CSMD2: variants seen among roughly 807,000 people sequenced by gnomAD.
CSMD2 encodes the protein CUB and sushi domain-containing protein 2.
Under a neutral mutation model 398.5 loss-of-function variants are expected in CSMD2, and 130 were observed. The observed-to-expected ratio is 0.33, with a 90% CI of 0.28 to 0.38. The LOEUF (loss-of-function observed/expected upper bound fraction) is 0.38. CSMD2 is among the 10% of genes least tolerant of loss of function. The pLI, the probability that CSMD2 is intolerant of heterozygous loss-of-function variation, is 1.00. For missense variants in CSMD2, 3,829 were observed against 4,764.9 expected (o/e 0.80, Z 5.78); for synonymous variants, 1,828 against 1,908.5 (o/e 0.96, Z 1.10).
intron 6 of CSMD2, among the ~76,000 whole-genome samples, chr1:33,837,676 T>C (rs1255311444): frequency 1.3e-5 from 2 of 152,212 alleles, no homozygotes; most frequent in African/African-American, 4.8e-5. Context: ...TGGATACAAA[T>C]ATTCACATAC....
intron 12 of CSMD2, among the ~76,000 whole-genome samples, chr1:33,783,435 CT>C (rs1653067102): frequency 1.2e-4 from 2 of 16,184 alleles, no homozygotes; most frequent in African/African-American, 1.0e-4. Context: ...CTCTCATTCT[CT>C]CTCTCTCTCT....
intron 12 of CSMD2, among the ~76,000 whole-genome samples, chr1:33,776,766 T>C (rs1652036755): frequency 6.6e-6 from 1 of 151,772 alleles, no homozygotes; most frequent in South Asian, 2.1e-4. Context: ...GGCCAAAGTG[T>C]TATCCAAGAG....
chr1:33,517,549 T>G (rs553775170), intron 70 of CSMD2, among the ~76,000 whole-genome samples: 2 of 152,368 alleles, frequency 1.3e-5, no homozygotes, highest in South Asian at 4.2e-4. Context: ...GGGATTTTTC[T>G]TTTTCTCTTT....
chr1:33,791,488 T>A (rs920819787), intron 11 of CSMD2, among the ~76,000 whole-genome samples: 3 of 151,572 alleles, frequency 2.0e-5, no homozygotes, highest in Non-Finnish European at 2.9e-5. Context: ...ATTTCCTGAC[T>A]TTTTTTTTCT....
At chr1:33,789,339 T>C (rs1235299430) in intron 11 of CSMD2, among the ~76,000 whole-genome samples, 1 of 152,222 alleles carries the variant, frequency 6.6e-6, no homozygotes, top group East Asian at 1.9e-4. Flanking sequence ...CCCAAGCACC[T>C]ACCCATGTAA....
At position 33,624,458 on chromosome 1, in the gene CSMD2, G is replaced by A. The variant is rs1327741621; in HGVS notation, c.5625+61C>T. Reference sequence around the variant, plus strand: ...CAGCCAGCACCTGTGGTTGTCACCTGTGAGCTGTTACCTGGGAGCAGACGG... The same window carrying A: ...CAGCCAGCACCTGTGGTTGTCACCTATGAGCTGTTACCTGGGAGCAGACGG... On this transcript the variant is annotated intron_variant, in intron 35 of 70. Coordinates refer to ENST00000373381, the MANE Select transcript of CSMD2 (RefSeq NM_001281956.2). The surrounding 1 kb of genome is among the most constrained non-coding windows in gnomAD (Gnocchi z 4.7). 1.3e-6 allele frequency: 2 copies of A among 1,593,796 alleles called. No homozygotes were observed. Among genetic ancestry groups the A allele is most frequent in the Admixed American group, 3.4e-5 (2 of 59,282 alleles).
At chr1:34,095,515 AGAC>A (rs1201073017) in intron 1 of CSMD2, among the ~76,000 whole-genome samples, 24 of 152,066 alleles carry the variant, frequency 1.6e-4, no homozygotes, top group African/African-American at 5.5e-4. Context: ...ACCGCTAGCA[AGAC>A]TAATAAAGAA....
intron 3 of CSMD2, among the ~76,000 whole-genome samples, chr1:34,011,822 T>C (rs967805111): frequency 6.6e-6 from 1 of 152,162 alleles, no homozygotes; most frequent in African/African-American, 2.4e-5. Context: ...GTCTTATTCA[T>C]GATAATGATT....
At chr1:33,946,677 G>A (rs1295040941) in intron 3 of CSMD2, among the ~76,000 whole-genome samples, 1 of 150,910 alleles carries the variant, frequency 6.6e-6, no homozygotes. Flanking sequence ...GGAGTGCAGT[G>A]GCATAATCTT....
At chr1:33,768,988 G>A (rs1650913317) in intron 13 of CSMD2, among the ~76,000 whole-genome samples, 1 of 152,210 alleles carries the variant, frequency 6.6e-6, no homozygotes, top group Non-Finnish European at 1.5e-5. Context: ...GGTGAAGGCT[G>A]TTTTGAAGCT....
rs140859605 is a variant in CSMD2, at chr1:34,023,332, C to G, written c.517+9262G>C. ...CAAGTTGAGTACTGCGAAAGTATGC[C>G]CAGGCAGAGGGGTGATAAGGATTAG... On this transcript the variant is annotated intron_variant, in intron 3 of 70. Coordinates refer to ENST00000373381, the MANE Select transcript of CSMD2 (RefSeq NM_001281956.2). 1.4e-4 allele frequency among the ~76,000 whole-genome samples: 22 copies of G among 152,288 alleles called. No individual in the cohort carries two copies. The East Asian group carries it at 3.7e-3, about 25-fold the overall frequency.
At chr1:34,053,055 C>T (rs1352570038) in intron 2 of CSMD2, among the ~76,000 whole-genome samples, 2 of 152,012 alleles carry the variant, frequency 1.3e-5, no homozygotes, top group African/African-American at 2.4e-5. Context: ...GGGTCAATGG[C>T]GAACTACTTT....
At chr1:33,683,647 T>C (rs1211460279) in intron 25 of CSMD2, among the ~76,000 whole-genome samples, 3 of 152,130 alleles carry the variant, frequency 2.0e-5, no homozygotes, top group Admixed American at 2.0e-4. Flanking sequence ...TGAGGATAAT[T>C]TGAAGTAGTT....
At chr1:33,918,480 G>A (rs1023131336) in intron 4 of CSMD2, among the ~76,000 whole-genome samples, 179 bp from the exon 5 acceptor site, 1 of 152,198 alleles carries the variant, frequency 6.6e-6, no homozygotes, top group Non-Finnish European at 1.5e-5. Flanking sequence ...AAGCCTAACA[G>A]AGGAAGTGTC....
chr1:33,845,612 A>G (rs1397518635), intron 6 of CSMD2, among the ~76,000 whole-genome samples: 2 of 152,240 alleles, frequency 1.3e-5, no homozygotes, highest in East Asian at 3.8e-4. Flanking sequence ...CCACTCACAC[A>G]AAGACCCAAC....
At chr1:33,551,522 A>G (rs72660173) in intron 55 of CSMD2, among the ~76,000 whole-genome samples, 3,775 of 152,348 alleles carry the variant, frequency 0.025, 65 homozygotes, top group Non-Finnish European at 0.04. Context: ...CAGGCAGACC[A>G]CAACAGGTGA....
chr1:33,676,137 G>C (rs1482371470), intron 25 of CSMD2, among the ~76,000 whole-genome samples: 1 of 152,116 alleles, frequency 6.6e-6, no homozygotes, highest in Non-Finnish European at 1.5e-5. Flanking sequence ...GGAAATAAAG[G>C]GTATTCAATT....
chr1:33,565,106 T>A (rs370749144), intron 53 of CSMD2, among the ~76,000 whole-genome samples: 17 of 152,296 alleles, frequency 1.1e-4, no homozygotes, highest in African/African-American at 4.1e-4. Flanking sequence ...CATGGTTCTG[T>A]TGCAAGCTTT....
chr1:33,614,211 G>A (rs1348441158), intron 40 of CSMD2, among the ~76,000 whole-genome samples: 1 of 149,870 alleles, frequency 6.7e-6, no homozygotes, highest in African/African-American at 2.5e-5. Flanking sequence ...GTGATACAGT[G>A]TTAGTTAGGT....
Sources: gnomAD v4.1 joint callset for allele counts (sites outside exome capture counted in the v4.1 genomes callset) on GRCh38, gnomAD v4.1.1 for gene constraint, Gnocchi (gnomAD v3.1) non-coding constraint, MANE v1.5 for transcripts, NCBI Gene and HGNC (gene_info 2026-07-23, HGNC 2026-07-21) for gene names.